The following MYO9B variants were observed in gnomAD, a reference collection of about 807,000 sequenced individuals.
The protein encoded by MYO9B is unconventional myosin-IXb.
A neutral mutation model predicts 229.5 loss-of-function variants in MYO9B; 71 were observed. The ratio of observed to expected loss-of-function variants is 0.31; its 90% CI spans 0.26 to 0.38. The LOEUF (loss-of-function observed/expected upper bound fraction) is 0.38. MYO9B is among the 10% of genes least tolerant of loss of function. The pLI is 1.00. For missense variants in MYO9B, 2,255 were observed against 2,920.5 expected, an observed-to-expected ratio of 0.77 and a Z score of 5.25; for synonymous variants, 1,185 against 1,235.8, an observed-to-expected ratio of 0.96 and a Z score of 0.86.
intron 10 of MYO9B, among the ~76,000 whole-genome samples, chr19:17,166,862 C>T (rs1345743155): frequency 6.6e-6 from 1 of 152,188 alleles, no homozygotes; most frequent in East Asian, 1.9e-4. Context: ...GGGTAGTATT[C>T]CTTGATGTAT....
chr19:17,199,700 C>CTT (rs59510773), intron 24 of MYO9B, among the ~76,000 whole-genome samples: 5 of 68,778 alleles, frequency 7.3e-5, no homozygotes, highest in Non-Finnish European at 1.2e-4. Context: ...CTTTTTTTTT[C>CTT]TTTTTTTTTT....
At chr19:17,206,184 A>G (rs1194949187) in intron 32 of MYO9B, 32 bp downstream of exon 32, 9 of 1,607,168 alleles carry the variant, frequency 5.6e-6, no homozygotes, top group Non-Finnish European at 7.6e-6. Context: ...GTGCAGTGCC[A>G]GGCCCCAGGC....
At chr19:17,209,129 T>A (rs114363705) in intron 35 of MYO9B, among the ~76,000 whole-genome samples, 2,153 of 152,092 alleles carry the variant, frequency 0.014, 43 homozygotes, top group African/African-American at 0.05. Context: ...TAATGACCAC[T>A]CCAAGCTGAG....
At chr19:17,127,997 A>C (rs1028793080) in intron 2 of MYO9B, among the ~76,000 whole-genome samples, 2 of 152,288 alleles carry the variant, frequency 1.3e-5, no homozygotes, top group Admixed American at 6.5e-5. Flanking sequence ...TAATTTGCCC[A>C]AATTGCCCAG....
At chr19:17,133,660 C>G (rs567289174) in intron 2 of MYO9B, among the ~76,000 whole-genome samples, 1 of 152,222 alleles carries the variant, frequency 6.6e-6, no homozygotes, top group South Asian at 2.1e-4. Flanking sequence ...CTATGTTGCC[C>G]AGGCTGGTCT....
chr19:17,096,702 GTTGGTT>G (rs2057694775), intron 1 of MYO9B, among the ~76,000 whole-genome samples: 1 of 29,582 alleles, frequency 3.4e-5, no homozygotes, highest in African/African-American at 2.0e-4. Flanking sequence ...TGTTGTTGTT[GTTGGTT>G]TTTTTTTTTT....
intron 2 of MYO9B, among the ~76,000 whole-genome samples, chr19:17,108,874 C>T (rs140370707): frequency 0.022 from 3,319 of 151,446 alleles, 54 homozygotes; most frequent in Non-Finnish European, 0.029. Context: ...CCACCGTGCC[C>T]GGCTAATGTT....
Position 17,203,340 on chromosome 19 carries a change from C to T in MYO9B, c.4990+82C>T, listed in dbSNP as rs886531161. 25 of 1,096,416 alleles carry T rather than the reference C, an allele frequency of 2.3e-5. No homozygotes were observed. The East Asian group carries it at 5.3e-4, about 23-fold the overall frequency. The allele number at this position is 1,096,416 out of a possible 1,614,324, so 67.9% of individuals were successfully genotyped here. A position where few individuals can be genotyped will look rare whatever the true frequency, so the allele number is the denominator to read the frequency against. ...TGCTCAAGAGGTCTTCAGGGCCAGG[C>T]GGGGTGGCTCACACCTGTAATCCCA... On this transcript the variant is annotated intron_variant, in intron 30 of 39. Transcript: ENST00000682292.
chr19:17,081,259 A>G (rs987147459), intron 1 of MYO9B, among the ~76,000 whole-genome samples: 3 of 152,074 alleles, frequency 2.0e-5, no homozygotes, highest in Non-Finnish European at 4.4e-5. Context: ...AACTCCTGAC[A>G]TCAGGTGATC....
chr19:17,192,965 T>G lies in MYO9B; in HGVS notation c.3031T>G (p.Ser1011Ala), dbSNP rs1545620. The change falls in exon 21 of 40, where the codon TCA becomes GCA. Residue 1011 changes from serine (S) to alanine (A), a missense_variant. By Grantham distance (99) the Ser-to-Ala change is moderately conservative. Coordinates refer to ENST00000682292, the MANE Select transcript of MYO9B (RefSeq NM_004145.4). ...RTQAAVYLQASWRGYWQRKLY... is the reference protein window; with the variant it reads ...RTQAAVYLQAAWRGYWQRKLY... Reference sequence around the variant, plus strand: ...GCAGGCTGCCGTGTACCTCCAGGCCTCATGGAGGGGCTACTGGCAGCGGAA... The same window carrying G: ...GCAGGCTGCCGTGTACCTCCAGGCCGCATGGAGGGGCTACTGGCAGCGGAA... 0.44 allele frequency: 679,095 copies of G among 1,527,950 alleles called. 160,502 individuals are homozygous for G. Among genetic ancestry groups the G allele is most frequent in the East Asian group, 0.75 (30,281 of 40,396 alleles). 94.6% of individuals were successfully genotyped at this position (1,527,950 alleles called of 1,614,324 possible). A position where few individuals can be genotyped will look rare whatever the true frequency, so the allele number is the denominator to read the frequency against.
At chr19:17,153,741 T>G (rs2072506613) in intron 4 of MYO9B, among the ~76,000 whole-genome samples, 1 of 149,872 alleles carries the variant, frequency 6.7e-6, no homozygotes, top group South Asian at 2.1e-4. Flanking sequence ...GATTGACAAA[T>G]AAGTGAGATG....
At chr19:17,155,928 G>A (rs764660031) in intron 6 of MYO9B, among the ~76,000 whole-genome samples, 5 of 151,682 alleles carry the variant, frequency 3.3e-5, no homozygotes, top group East Asian at 1.9e-4. Context: ...GCTGAGGCAC[G>A]AGAATCACTT....
chr19:17,130,313 G>A (rs1013237633), intron 2 of MYO9B, among the ~76,000 whole-genome samples: 1 of 151,566 alleles, frequency 6.6e-6, no homozygotes, highest in Non-Finnish European at 1.5e-5. Context: ...TCTACTACCA[G>A]TACAGAAATT....
chr19:17,126,501 C>A (rs997563764), intron 2 of MYO9B, among the ~76,000 whole-genome samples: 1 of 152,168 alleles, frequency 6.6e-6, no homozygotes, highest in African/African-American at 2.4e-5. Flanking sequence ...TAGGGGCCAC[C>A]CAGTCTCTGT....
At chr19:17,162,167 TAG>T (rs1407259084) in intron 8 of MYO9B, among the ~76,000 whole-genome samples, 181 bp from the exon 9 acceptor site, 1 of 152,002 alleles carries the variant, frequency 6.6e-6, no homozygotes, top group East Asian at 1.9e-4. Context: ...TAGCCAGGTA[TAG>T]TGGCGCTTGC....
chr19:17,144,969 C>CAAAA (rs58527501), intron 2 of MYO9B, among the ~76,000 whole-genome samples: 2 of 83,578 alleles, frequency 2.4e-5, no homozygotes, highest in Non-Finnish European at 2.8e-5. Flanking sequence ...GACTTCATCT[C>CAAAA]AAAAAAAAAA....
chr19:17,114,925 T>C (rs920413804), intron 2 of MYO9B, among the ~76,000 whole-genome samples: 434 of 60,834 alleles, frequency 7.1e-3, no homozygotes, highest in Middle Eastern at 0.022. Context: ...GCTTTTCCCC[T>C]TTTTTTTTTT....
rs150735523 is a variant in MYO9B, at chr19:17,192,639, G to C, written c.2812-107G>C. On this transcript the variant is annotated intron_variant, in intron 20 of 39. Transcript: ENST00000682292. ...AAATAAATAAAGCCCTGGTTGGTCA[G>C]CACACCAGCCTAGGTCTCACTCTGG... 125 of 838,180 alleles carry C rather than the reference G, an allele frequency of 1.5e-4. No homozygotes were observed. The African/African-American group carries it at 1.9e-3, about 13-fold the overall frequency. The allele number at this position is 838,180 out of a possible 1,614,324, so 51.9% of individuals were successfully genotyped here.
intron 14 of MYO9B, 45 bp from the exon 15 acceptor site, chr19:17,180,882 T>C: frequency 7.3e-7 from 1 of 1,378,158 alleles, no homozygotes; most frequent in Non-Finnish European, 1.0e-6. Flanking sequence ...TGCTTCTAAC[T>C]CCATCTTCTT....
Sources: allele counts gnomAD v4.1 joint callset (sites outside exome capture counted in the v4.1 genomes callset), GRCh38; gene constraint gnomAD v4.1.1; transcripts MANE v1.5; gene names NCBI Gene and HGNC (gene_info 2026-07-23, HGNC 2026-07-21).